The following UBE2E3 variants were observed in gnomAD, a reference collection of about 807,000 sequenced individuals.
UBE2E3 encodes ubiquitin-conjugating enzyme E2 E3.
In UBE2E3, 5 loss-of-function variants were observed where a neutral mutation model predicts 23.6. The ratio of observed to expected loss-of-function variants is 0.21; its 90% confidence interval spans 0.11 to 0.44. The LOEUF is 0.44. Ranked by LOEUF, UBE2E3 falls within the 20% of genes least tolerant of loss-of-function variation. UBE2E3 has a pLI of 0.99. For synonymous variants in UBE2E3, 78 were observed against 87.5 expected (o/e 0.89, Z 0.60); for missense variants, 81 against 249.8 (o/e 0.32, Z 4.55).
At chr2:181,018,022 C>T (rs1376393489) in intron 3 of UBE2E3, among the ~76,000 whole-genome samples, 1 of 151,622 alleles carries the variant, frequency 6.6e-6, no homozygotes, top group African/African-American at 2.4e-5. Flanking sequence ...CCTAGAAGAC[C>T]ACCCTAATTT....
intron 3 of UBE2E3, among the ~76,000 whole-genome samples, chr2:180,992,021 G>A (rs73037078): frequency 0.037 from 5,572 of 152,238 alleles, 282 homozygotes; most frequent in East Asian, 0.18. Flanking sequence ...GACCATGACT[G>A]AAATTACTTA....
chr2:181,004,452 G>A lies in UBE2E3; in HGVS notation c.245+20359G>A, dbSNP rs1483126662. Among the ~76,000 whole-genome samples, 9 of 152,072 alleles carry A rather than the reference G, an allele frequency of 5.9e-5. No homozygotes were observed. In the East Asian group the frequency reaches 1.7e-3, roughly 29 times the overall value. Reference sequence around the variant, plus strand: ...GATCGGGACCATCCTGGCCAGCATGGTGAAACCCCGTCTCTACTAAAAATA... The same window carrying A: ...GATCGGGACCATCCTGGCCAGCATGATGAAACCCCGTCTCTACTAAAAATA... On this transcript the variant is annotated intron_variant, in intron 3 of 5. Coordinates refer to ENST00000410062, the MANE Select transcript of UBE2E3 (RefSeq NM_006357.4).
intron 3 of UBE2E3, among the ~76,000 whole-genome samples, chr2:181,024,583 A>G (rs962296006): frequency 1.3e-5 from 2 of 152,212 alleles, no homozygotes; most frequent in East Asian, 1.9e-4. Context: ...ATTAAGATGT[A>G]ATGGTGATGT....
intron 3 of UBE2E3, among the ~76,000 whole-genome samples, chr2:181,004,006 T>C (rs930440054): frequency 1.3e-5 from 2 of 152,248 alleles, no homozygotes; most frequent in African/African-American, 4.8e-5. Context: ...TCTGTCTGAC[T>C]GAAGGTCATG....
At chr2:181,057,611 C>T (rs1687024724) in intron 3 of UBE2E3, 82 bp from the exon 4 acceptor site, 3 of 1,220,252 alleles carry the variant, frequency 2.5e-6, no homozygotes, top group South Asian at 1.6e-5. Flanking sequence ...TGCTAATTTA[C>T]CTTTAACACT....
chr2:181,061,974 C>G (rs1687168893), intron 5 of UBE2E3, among the ~76,000 whole-genome samples: 1 of 151,406 alleles, frequency 6.6e-6, no homozygotes, highest in Admixed American at 6.6e-5. Flanking sequence ...AAGAATGTGA[C>G]AACTCTATAT....
At chr2:181,024,902 T>G (rs1409313976) in intron 3 of UBE2E3, among the ~76,000 whole-genome samples, 1 of 151,998 alleles carries the variant, frequency 6.6e-6, no homozygotes, top group African/African-American at 2.4e-5. Flanking sequence ...AGGTAGAATT[T>G]CCCATGTATT....
At chr2:181,049,901 C>T (rs1031397601) in intron 3 of UBE2E3, among the ~76,000 whole-genome samples, 1 of 151,922 alleles carries the variant, frequency 6.6e-6, no homozygotes, top group Non-Finnish European at 1.5e-5. Flanking sequence ...TACTACTTTT[C>T]TGTAGGCCAT....
intron 3 of UBE2E3, among the ~76,000 whole-genome samples, chr2:181,034,526 G>A (rs1316503570): frequency 1.3e-5 from 2 of 152,300 alleles, no homozygotes; most frequent in African/African-American, 2.4e-5. Context: ...GGGACCTACC[G>A]TGGGGTGGGG....
chr2:181,012,700 C>A (rs779060058), intron 3 of UBE2E3, among the ~76,000 whole-genome samples: 3 of 152,068 alleles, frequency 2.0e-5, no homozygotes, highest in Admixed American at 6.6e-5. Flanking sequence ...ATACCCATAT[C>A]CCTAGTTGTT....
chr2:180,996,795 G>C (rs1199567901), intron 3 of UBE2E3, among the ~76,000 whole-genome samples: 1 of 152,074 alleles, frequency 6.6e-6, no homozygotes, highest in Non-Finnish European at 1.5e-5. Context: ...TAATAGTTGT[G>C]TTTCTTACAT....
In UBE2E3 at chr2:181,060,858, GTGCT is replaced by G; in HGVS notation, c.526+48_526+51del. On this transcript the variant is annotated intron_variant, in intron 5 of 5. Transcript: ENST00000410062. Reference sequence around the variant, plus strand: ...ATGTACAATAAGACTACAAAAACGAGTGCTTTTTTTTTTTTTTTTTTTTTTTTTT... The same window carrying G: ...ATGTACAATAAGACTACAAAAACGAGTTTTTTTTTTTTTTTTTTTTTTTTT... The G allele has an allele frequency of 9.9e-6, 4 of 404,098 alleles. No homozygotes were observed. In the South Asian group the frequency reaches 1.2e-4, roughly 12 times the overall value. The allele number at this position is 404,098 out of a possible 1,614,324, so 25.0% of individuals were successfully genotyped here. A position where few individuals can be genotyped will look rare whatever the true frequency, so the allele number is the denominator to read the frequency against.
At chr2:180,994,948 T>C (rs1314918852) in intron 3 of UBE2E3, among the ~76,000 whole-genome samples, 2 of 152,184 alleles carry the variant, frequency 1.3e-5, no homozygotes, top group Non-Finnish European at 2.9e-5. Context: ...AATGTAAATA[T>C]TAAATCGTAA....
chr2:180,998,346 C>T (rs1684892777), intron 3 of UBE2E3, among the ~76,000 whole-genome samples: 1 of 151,772 alleles, frequency 6.6e-6, no homozygotes. Flanking sequence ...CCAAGGGTGG[C>T]CTACTAAATG....
At chr2:181,013,902 T>C (rs905289327) in intron 3 of UBE2E3, among the ~76,000 whole-genome samples, 2 of 152,154 alleles carry the variant, frequency 1.3e-5, no homozygotes, top group Non-Finnish European at 2.9e-5. Flanking sequence ...CATGTGGTCA[T>C]TTTTGGAAAA....
chr2:180,991,387 G>T (rs1363335575), intron 3 of UBE2E3, among the ~76,000 whole-genome samples: 1 of 152,086 alleles, frequency 6.6e-6, no homozygotes, highest in Non-Finnish European at 1.5e-5. Context: ...ACTTCCCATT[G>T]GCATATCCAA....
Position 180,980,970 on chromosome 2 carries a change from C to G in UBE2E3, c.-29C>G, listed in dbSNP as rs1364795048. 1 of 147,088 alleles carries G rather than the reference C, an allele frequency of 6.8e-6. No individual in the cohort carries two copies. Among genetic ancestry groups the G allele is most frequent in the African/African-American group, 2.5e-5 (1 of 40,708 alleles). The allele number at this position is 147,088 out of a possible 1,614,324, so 9.1% of individuals were successfully genotyped here. A position where few individuals can be genotyped will look rare whatever the true frequency, so the allele number is the denominator to read the frequency against. On this transcript the variant is annotated 5_prime_UTR_variant, in exon 1 of 6. Coordinates refer to ENST00000410062, the MANE Select transcript of UBE2E3 (RefSeq NM_006357.4). This position sits in a 1 kb window ranked among gnomAD's most constrained non-coding sequence, Gnocchi z 5.5. ...CGCGCGAGCGGGCCGGGCGGGCGGCCGAGGTAAGGCGGCGGGGCCGGGGGG... is the reference window on the plus strand; with the variant it reads ...CGCGCGAGCGGGCCGGGCGGGCGGCGGAGGTAAGGCGGCGGGGCCGGGGGG...
intron 3 of UBE2E3, among the ~76,000 whole-genome samples, chr2:181,001,914 A>C (rs1165879296): frequency 6.6e-6 from 1 of 152,122 alleles, no homozygotes; most frequent in Admixed American, 6.6e-5. Context: ...TTTACTATTA[A>C]GTATTTGTTG....
At chr2:181,060,861 C>CTTTTTTTTTT (rs71029902) in intron 5 of UBE2E3, 49 bp downstream of exon 5, 1 of 238,396 alleles carries the variant, frequency 4.2e-6, no homozygotes, top group African/African-American at 5.8e-5. Flanking sequence ...AAAACGAGTG[C>CTTTTTTTTTT]TTTTTTTTTT....
Sources: gnomAD v4.1 joint callset for allele counts (sites outside exome capture counted in the v4.1 genomes callset) on GRCh38, gnomAD v4.1.1 for gene constraint, Gnocchi (gnomAD v3.1) non-coding constraint, MANE v1.5 for transcripts, NCBI Gene and HGNC (gene_info 2026-07-23, HGNC 2026-07-21) for gene names.